WAC: variants seen among roughly 807,000 people sequenced by gnomAD.
The protein encoded by WAC is WW domain-containing adapter protein with coiled-coil.
Under a neutral mutation model 79.6 loss-of-function variants are expected in WAC, and 11 were observed. The ratio of observed to expected loss-of-function variants is 0.14; its 90% CI spans 0.09 to 0.23. WAC has a LOEUF of 0.23. Ranked by LOEUF, WAC falls within the 10% of genes least tolerant of loss-of-function variation. The pLI, the probability that WAC is intolerant of heterozygous loss-of-function variation, is 1.00. For missense variants in WAC, 728 were observed against 773.5 expected (o/e 0.94, Z 0.70); for synonymous variants, 304 against 276.9 (o/e 1.10, Z -0.97).
chr10:28,556,512 T>A lies in WAC; in HGVS notation c.274+20755T>A, dbSNP rs974257935. Among the ~76,000 whole-genome samples, 22 of 151,374 alleles carry A rather than the reference T, an allele frequency of 1.5e-4. No individual in the cohort carries two copies. The Admixed American group carries it at 1.5e-3, about 10-fold the overall frequency. On this transcript the variant is annotated intron_variant, in intron 3 of 13. Transcript: ENST00000354911. The stretch of plus-strand genomic sequence containing the variant: ...TTTTCTACTATTTTGTAGGTTGTTT[T>A]TTCGTTTTGTTGATTTTTTTCTTTT...
chr10:28,613,025 A>G (rs922642269), intron 10 of WAC, among the ~76,000 whole-genome samples: 6 of 152,066 alleles, frequency 3.9e-5, no homozygotes, highest in Non-Finnish European at 8.8e-5. Context: ...GCTCACAGCT[A>G]TAATTACAGC....
chr10:28,618,709 T>C (rs1337538746), intron 13 of WAC, among the ~76,000 whole-genome samples: 1 of 152,202 alleles, frequency 6.6e-6, no homozygotes, highest in Non-Finnish European at 1.5e-5. Flanking sequence ...CAGGAAATAT[T>C]TTTACGTTCA....
Position 28,608,451 on chromosome 10 carries a change from T to C in WAC, c.1165+20T>C. On this transcript the variant is annotated intron_variant, in intron 8 of 13. Transcript: ENST00000354911. Reference sequence around the variant, plus strand: ...ATGAAGGTAAATCTTCATAACAGTTTTTTAAAAATTTATTTGCATTGTGCA... The same window carrying C: ...ATGAAGGTAAATCTTCATAACAGTTCTTTAAAAATTTATTTGCATTGTGCA... The C allele has an allele frequency of 5.2e-6, 8 of 1,548,764 alleles. No homozygotes were observed. The highest frequency in any genetic ancestry group is 6.1e-6 in the Non-Finnish European group (7 of 1,145,810).
At chr10:28,617,312 A>G (rs1055710325) in intron 12 of WAC, among the ~76,000 whole-genome samples, 2 of 152,238 alleles carry the variant, frequency 1.3e-5, no homozygotes, top group Non-Finnish European at 2.9e-5. Context: ...TCTTGAATCA[A>G]TATCTAATAC....
chr10:28,586,714 A>T lies in WAC; in HGVS notation c.382-3022A>T, dbSNP rs373975856. The stretch of plus-strand genomic sequence containing the variant: ...AAATAATAATAATAAAAGGTAAAAT[A>T]AAAAAATCATGGTATGACTTGTAGA... On this transcript the variant is annotated intron_variant, in intron 4 of 13. Transcript: ENST00000354911. 1.8e-4 allele frequency among the ~76,000 whole-genome samples: 28 copies of T among 152,148 alleles called. No individual in the cohort carries two copies. The South Asian group carries it at 2.1e-3, about 11-fold the overall frequency.
rs559356634 is a variant in WAC at position 28,575,601 on chromosome 10, G to A, written c.275-7798G>A. 9.2e-5 allele frequency among the ~76,000 whole-genome samples: 14 copies of A among 152,238 alleles called. No homozygotes were observed. The South Asian group carries it at 2.1e-3, about 23-fold the overall frequency. On this transcript the variant is annotated intron_variant, in intron 3 of 13. Transcript: ENST00000354911. ...ATGGCTAATGCCATTGTTCATCTTTGATATGCGCTTTGGCAATTTGTATGT... is the reference window on the plus strand; with the variant it reads ...ATGGCTAATGCCATTGTTCATCTTTAATATGCGCTTTGGCAATTTGTATGT...
chr10:28,589,692 A>G (rs373872827), intron 4 of WAC, 44 bp from the exon 5 acceptor site: 45 of 1,286,282 alleles, frequency 3.5e-5, no homozygotes, highest in Non-Finnish European at 4.8e-5. Flanking sequence ...TCATGTGATT[A>G]AATAGTATTA....
chr10:28,614,667 G>T lies in WAC; in HGVS notation c.1538G>T (p.Arg513Leu). ...CAAGGTCATGAACCTGTCTCTCCTC[G>T]AAGTCTTCAGCGCTCAAGGTAGGTT... is the stretch of plus-strand genomic sequence containing the variant. ...KQQGHEPVSP[R>L]SLQRSSSQRS... The change falls in exon 11 of 14, where the codon CGA (arginine) becomes CTA (leucine). Residue 513 changes from arginine (R) to leucine (L), a missense_variant. Physicochemically the swap from Arg to Leu is moderately radical, Grantham distance 102. Transcript: ENST00000354911. The T allele has an allele frequency of 6.2e-7, 1 of 1,613,938 alleles. No individual in the cohort carries two copies.
At chr10:28,603,933 C>CAAAAAAAAAA (rs1312613029) in intron 7 of WAC, among the ~76,000 whole-genome samples, 1 of 17,986 alleles carries the variant, frequency 5.6e-5, no homozygotes, top group Non-Finnish European at 8.9e-5. Context: ...GACTCCGTCT[C>CAAAAAAAAAA]AAAAAAAAAA....
At chr10:28,538,793 TTTGAGG>T (rs1836830769) in intron 3 of WAC, among the ~76,000 whole-genome samples, 2 of 147,830 alleles carry the variant, frequency 1.4e-5, no homozygotes, top group African/African-American at 5.0e-5. Context: ...AGCCCAGGAG[TTTGAGG>T]TTAACAGTGA....
intron 3 of WAC, among the ~76,000 whole-genome samples, chr10:28,539,750 G>C (rs1353461217): frequency 6.6e-6 from 1 of 152,000 alleles, no homozygotes; most frequent in African/African-American, 2.4e-5. Flanking sequence ...GTAGAAATAG[G>C]GTTTCACCAA....
chr10:28,553,539 C>T (rs756765609), intron 3 of WAC, among the ~76,000 whole-genome samples: 107 of 151,824 alleles, frequency 7.0e-4, no homozygotes, highest in Non-Finnish European at 1.2e-3. Context: ...ATGGCTTTTT[C>T]TTTTTCCCTT....
At position 28,608,489 on chromosome 10, in the gene WAC, T is replaced by C. The variant is rs964177104; in HGVS notation, c.1165+58T>C. On this transcript the variant is annotated intron_variant, in intron 8 of 13. Coordinates refer to ENST00000354911, the MANE Select transcript of WAC (RefSeq NM_016628.5). ...TTTGCATTGTGCAAAGTTATGTAAG[T>C]AGTAAAATCCCCAGTTTAGGAATGG... is the stretch of plus-strand genomic sequence containing the variant. 8.2e-6 allele frequency: 12 copies of C among 1,455,152 alleles called. 1 individual carries two copies. In the South Asian group the frequency reaches 1.5e-4, roughly 18 times the overall value. 90.1% of individuals were successfully genotyped at this position (1,455,152 alleles called of 1,614,324 possible). A position where few individuals can be genotyped will look rare whatever the true frequency, so the allele number is the denominator to read the frequency against.
At chr10:28,578,379 A>G (rs1839358664) in intron 3 of WAC, among the ~76,000 whole-genome samples, 6 of 152,180 alleles carry the variant, frequency 3.9e-5, no homozygotes, top group Admixed American at 3.9e-4. Flanking sequence ...TTAGTGTCTT[A>G]AAGAGAATAA....
intron 3 of WAC, among the ~76,000 whole-genome samples, chr10:28,543,264 A>G (rs554379633): frequency 6.6e-6 from 1 of 152,352 alleles, no homozygotes; most frequent in African/African-American, 2.4e-5. Context: ...AATGCAAACC[A>G]TATGTGTACT....
intron 1 of WAC, 42 bp downstream of exon 1, chr10:28,533,662 C>G (rs761054063): frequency 1.9e-5 from 28 of 1,464,528 alleles, no homozygotes; most frequent in Non-Finnish European, 2.3e-5. Flanking sequence ...CGGCGGGGGG[C>G]GGCGGCGGGG....
chr10:28,533,843 A>G, intron 1 of WAC, 155 bp from the exon 2 acceptor site: 1 of 1,052,860 alleles, frequency 9.5e-7, no homozygotes, highest in Non-Finnish European at 1.4e-6. Context: ...GCCCTTCCGG[A>G]GGCTCCGGGT....
intron 4 of WAC, chr10:28,588,676 T>TTA (rs1839938813): frequency 6.6e-6 from 1 of 152,218 alleles, no homozygotes; most frequent in Non-Finnish European, 1.5e-5. Context: ...GGATAGGCTA[T>TTA]GATAGTATAG....
At chr10:28,614,521 T>G in intron 10 of WAC, 46 bp from the exon 11 acceptor site, 1 of 1,449,766 alleles carries the variant, frequency 6.9e-7, no homozygotes, top group Non-Finnish European at 9.7e-7. Flanking sequence ...GGGGGAGAGA[T>G]GTGGATTAGA....
Sources: gnomAD v4.1 joint callset for allele counts (sites outside exome capture counted in the v4.1 genomes callset) on GRCh38, gnomAD v4.1.1 for gene constraint, MANE v1.5 for transcripts, NCBI Gene and HGNC (gene_info 2026-07-23, HGNC 2026-07-21) for gene names.